The following CNNM2 variants were observed in gnomAD, a reference collection of about 807,000 sequenced individuals.
CNNM2 encodes the protein cyclin and CBS domain divalent metal cation transport mediator 2.
CNNM2 carries 12 observed loss-of-function variants against 66.9 expected under a neutral mutation model. The ratio of observed to expected loss-of-function variants is 0.18; its 90% CI spans 0.11 to 0.29. CNNM2 has a LOEUF of 0.29. Among genes scored for constraint, CNNM2 ranks in the 10% least tolerant of loss-of-function variants. The pLI is 1.00. For synonymous variants in CNNM2, 557 were observed against 501.8 expected, an observed-to-expected ratio of 1.11 and a Z score of -1.47; for missense variants, 705 against 1,167.7, an observed-to-expected ratio of 0.60 and a Z score of 5.77.
intron 4 of CNNM2, among the ~76,000 whole-genome samples, chr10:103,058,022 A>G (rs939654639): frequency 1.3e-5 from 2 of 151,838 alleles, no homozygotes; most frequent in Non-Finnish European, 2.9e-5. Context: ...TGTAGATTCA[A>G]GCTCGGGAAA....
chr10:103,039,071 G>C (rs2064992971), intron 1 of CNNM2, among the ~76,000 whole-genome samples: 1 of 152,042 alleles, frequency 6.6e-6, no homozygotes, highest in Admixed American at 6.6e-5. Context: ...ATAGCTAGGT[G>C]ATAGTTTCCT....
intron 1 of CNNM2, among the ~76,000 whole-genome samples, chr10:102,921,603 T>C (rs1345236744): frequency 6.6e-6 from 1 of 152,232 alleles, no homozygotes; most frequent in Non-Finnish European, 1.5e-5. Flanking sequence ...ATAGCTTCTT[T>C]TGGGGGTGTC....
chr10:103,059,750 TA>T lies in CNNM2; in HGVS notation c.2073+2796del, dbSNP rs35226905. On this transcript the variant is annotated intron_variant, in intron 4 of 7. Coordinates refer to ENST00000369878, the MANE Select transcript of CNNM2 (RefSeq NM_017649.5). Reference sequence around the variant, plus strand: ...CACCATCATAGAAGATCAGGCATACTAAAAAAAAAAGTCATAGTTTTAAACT... The same window carrying T: ...CACCATCATAGAAGATCAGGCATACTAAAAAAAAAGTCATAGTTTTAAACT... 0.31 allele frequency among the ~76,000 whole-genome samples: 46,556 copies of T among 149,704 alleles called. 7,279 individuals are homozygous for T. The highest frequency in any genetic ancestry group is 0.37 in the Middle Eastern group (108 of 290).
At chr10:103,020,327 T>G (rs2064548373) in intron 1 of CNNM2, among the ~76,000 whole-genome samples, 1 of 152,076 alleles carries the variant, frequency 6.6e-6, no homozygotes. Flanking sequence ...AGCTAATTTT[T>G]GTATTTTTAG....
intron 1 of CNNM2, among the ~76,000 whole-genome samples, chr10:103,014,653 A>G (rs539572566): frequency 1.1e-4 from 16 of 152,334 alleles, no homozygotes; most frequent in Non-Finnish European, 1.8e-4. Context: ...TTGGGTGTTA[A>G]TATTAAAAAT....
rs1396182660 is a variant in CNNM2, at chr10:102,940,501, C to T, written c.1621+20400C>T. On this transcript the variant is annotated intron_variant, in intron 1 of 7. Transcript: ENST00000369878. ...TGGCGCAATCTCGGCTCACTGCAAGCTCCGCCTCCCGGGTTCACACCATTC... is the reference window on the plus strand; with the variant it reads ...TGGCGCAATCTCGGCTCACTGCAAGTTCCGCCTCCCGGGTTCACACCATTC... Among the ~76,000 whole-genome samples the T allele has an allele frequency of 2.4e-5, 3 of 123,896 alleles. No individual in the cohort carries two copies. Among genetic ancestry groups the T allele is most frequent in the Admixed American group, 2.3e-4 (3 of 13,108 alleles). The allele number at this position is 123,896 out of a possible 152,430, so 81.3% of individuals were successfully genotyped here.
chr10:103,085,663 TTTTAAA>T lies in CNNM2; in HGVS notation c.*8492_*8497del, dbSNP rs1259005959. On this transcript the variant is annotated 3_prime_UTR_variant, in exon 8 of 8. Transcript: ENST00000369878. ...ACGAGATTCAAAATTCATCATTGTG[TTTTAAA>T]TTTAAATTGGAAAACATAGATTCCT... is the stretch of plus-strand genomic sequence containing the variant. 6.6e-6 allele frequency: 1 copy of T among 152,232 alleles called. No homozygotes were observed. Among genetic ancestry groups the T allele is most frequent in the Non-Finnish European group, 1.5e-5 (1 of 68,040 alleles). The allele number at this position is 152,232 out of a possible 1,614,324, so 9.4% of individuals were successfully genotyped here.
Position 103,073,868 on chromosome 10 carries a change from CAAAAAAAAAAAAAAA to C in CNNM2, c.2233+2041_2233+2055del, listed in dbSNP as rs61331007. On this transcript the variant is annotated intron_variant, in intron 6 of 7. Coordinates refer to ENST00000369878, the MANE Select transcript of CNNM2 (RefSeq NM_017649.5). The stretch of plus-strand genomic sequence containing the variant: ...TGGGCGACAGAGCGAGACTCCGTCT[CAAAAAAAAAAAAAAA>C]AAAAAAAAAAAGAATAGAAAATGCC... 2.4e-4 allele frequency among the ~76,000 whole-genome samples: 17 copies of C among 70,244 alleles called. 1 individual carries two copies. Among genetic ancestry groups the C allele is most frequent in the African/African-American group, 4.9e-4 (8 of 16,446 alleles). 46.1% of individuals were successfully genotyped at this position (70,244 alleles called of 152,430 possible).
Position 103,009,275 on chromosome 10 carries a change from C to CA in CNNM2, c.1622-40424dup, listed in dbSNP as rs200776853. Among the ~76,000 whole-genome samples, 1,798 of 150,988 alleles carry CA rather than the reference C, an allele frequency of 0.012. 32 individuals are homozygous for CA. The highest frequency in any genetic ancestry group is 0.041 in the African/African-American group (1,667 of 41,156). On this transcript the variant is annotated intron_variant, in intron 1 of 7. Transcript: ENST00000369878. ...GGGCAACAAGATTGAAACTCCGTCT[C>CA]AAAAAAAACGGAAAACACAACTAAC...
chr10:103,086,572 A>G lies in CNNM2; in HGVS notation c.*9392A>G, dbSNP rs955461606. ...GTTGTTGACAAAGTATTTCTTAAAT[A>G]AATACATCTGATTTAGAAATACCTA... On this transcript the variant is annotated 3_prime_UTR_variant, in exon 8 of 8. Coordinates refer to ENST00000369878, the MANE Select transcript of CNNM2 (RefSeq NM_017649.5). 4 of 152,244 alleles carry G rather than the reference A, an allele frequency of 2.6e-5. No homozygotes were observed. Among genetic ancestry groups the G allele is most frequent in the African/African-American group, 9.6e-5 (4 of 41,456 alleles). The allele number at this position is 152,244 out of a possible 1,614,324, so 9.4% of individuals were successfully genotyped here.
intron 4 of CNNM2, among the ~76,000 whole-genome samples, chr10:103,060,921 A>C (rs1210401021): frequency 5.3e-4 from 81 of 152,188 alleles, no homozygotes; most frequent in Non-Finnish European, 1.5e-5. Flanking sequence ...AACATATAGA[A>C]TGTAATAAAA....
At position 103,055,843 on chromosome 10, in the gene CNNM2, T is replaced by C. The variant is rs114136540; in HGVS notation, c.1904-952T>C. ...AGGCCGGGCATGGTGGCTCATTGCC[T>C]GTAATCTCAGCTCTTGGCGGGGCCA... On this transcript the variant is annotated intron_variant, in intron 3 of 7. Transcript: ENST00000369878. 3.2e-3 allele frequency among the ~76,000 whole-genome samples: 481 copies of C among 152,344 alleles called. 3 individuals carry two copies. The highest frequency in any genetic ancestry group is 0.011 in the African/African-American group (464 of 41,564).
intron 1 of CNNM2, among the ~76,000 whole-genome samples, chr10:102,976,356 G>C (rs1425982392): frequency 6.6e-6 from 1 of 151,320 alleles, no homozygotes; most frequent in Non-Finnish European, 1.5e-5. Context: ...AACCCTCAAG[G>C]CTGGGTTAGG....
chr10:102,990,257 C>T (rs1016148215), intron 1 of CNNM2, among the ~76,000 whole-genome samples: 10 of 151,916 alleles, frequency 6.6e-5, no homozygotes, highest in South Asian at 2.1e-4. Flanking sequence ...TGAGCCACCG[C>T]GCCCGGTTTA....
intron 1 of CNNM2, among the ~76,000 whole-genome samples, chr10:102,941,820 G>A (rs1397414033): frequency 6.6e-6 from 1 of 151,954 alleles, no homozygotes. Context: ...CTACTAGAAC[G>A]TAAGCTCCAT....
At chr10:103,071,636 A>G in intron 5 of CNNM2, 138 bp from the exon 6 acceptor site, 4 of 772,746 alleles carry the variant, frequency 5.2e-6, no homozygotes, top group Non-Finnish European at 9.4e-6. Context: ...TTTCTATAAT[A>G]CCATACCGAC....
intron 1 of CNNM2, among the ~76,000 whole-genome samples, chr10:102,993,591 G>T (rs951419295): frequency 3.1e-4 from 47 of 152,214 alleles, no homozygotes; most frequent in African/African-American, 1.1e-3. Flanking sequence ...TTGTGATTGT[G>T]GCTTGTGAGT....
chr10:102,992,778 T>C (rs1470832082), intron 1 of CNNM2, among the ~76,000 whole-genome samples: 1 of 152,184 alleles, frequency 6.6e-6, no homozygotes, highest in African/African-American at 2.4e-5. Flanking sequence ...TATTTGAACC[T>C]CAGCTCTCTG....
Position 103,054,445 on chromosome 10 carries a change from A to T in CNNM2, c.1882A>T (p.Met628Leu). The T allele has an allele frequency of 6.2e-7, 1 of 1,613,898 alleles. No individual in the cohort carries two copies. Among genetic ancestry groups the T allele is most frequent in the South Asian group, 1.1e-5 (1 of 91,064 alleles). The stretch of plus-strand genomic sequence containing the variant: ...AATATCACCACAGCTCCTCCTGGCC[A>T]TGCACCGTTTCCTAGCAACAGGCAA... ...VKISPQLLLA[M>L]HRFLATEVEA... Residue 628 changes from methionine to leucine, a missense_variant, in exon 3 of 8, where the codon ATG becomes TTG. Physicochemically the swap from Met to Leu is conservative, Grantham distance 15 (BLOSUM62 2). Coordinates refer to ENST00000369878, the MANE Select transcript of CNNM2 (RefSeq NM_017649.5). This position sits in a 1 kb window ranked among gnomAD's most constrained non-coding sequence, Gnocchi z 5.2.
Sources: allele counts gnomAD v4.1 joint callset (sites outside exome capture counted in the v4.1 genomes callset), GRCh38; gene constraint gnomAD v4.1.1; non-coding constraint Gnocchi (gnomAD v3.1); transcripts MANE v1.5; gene names NCBI Gene and HGNC (gene_info 2026-07-23, HGNC 2026-07-21).